The following MAP2K5 variants were observed in gnomAD, a reference collection of about 807,000 sequenced individuals.
The protein encoded by MAP2K5 is dual specificity mitogen-activated protein kinase kinase 5.
MAP2K5 carries 49 observed loss-of-function variants against 83.1 expected under a neutral mutation model. The ratio of observed to expected loss-of-function variants is 0.59; its 90% CI spans 0.47 to 0.75. The LOEUF (loss-of-function observed/expected upper bound fraction) is 0.75, where lower values mean the gene tolerates loss of function less well. MAP2K5 is among the 30% of genes least tolerant of loss of function. The probability of loss-of-function intolerance (pLI) is 0.00; values close to 1 mark genes in which losing one functional copy is unlikely to be tolerated. For synonymous variants in MAP2K5, 202 were observed against 191.8 expected (o/e 1.05, Z -0.44); for missense variants, 457 against 557.5 (o/e 0.82, Z 1.82).
Position 67,760,854 on chromosome 15 carries a change from C to T in MAP2K5, c.1135-8748C>T, listed in dbSNP as rs570840946. Among the ~76,000 whole-genome samples the T allele has an allele frequency of 6.6e-6, 1 of 152,224 alleles. No individual in the cohort carries two copies. The highest frequency in any genetic ancestry group is 1.9e-4 in the East Asian group (1 of 5,186). The stretch of plus-strand genomic sequence containing the variant: ...ATTTAATCCACCATGATGGGACCTA[C>T]ACACCCTGAGCCCAAGTTGGATGCC... On this transcript the variant is annotated intron_variant, in intron 19 of 21. Transcript: ENST00000178640. This position sits in a 1 kb window ranked among gnomAD's most constrained non-coding sequence, Gnocchi z 4.1.
intron 13 of MAP2K5, among the ~76,000 whole-genome samples, chr15:67,683,927 G>C (rs1343218682): frequency 2.0e-5 from 3 of 152,210 alleles, no homozygotes; most frequent in Non-Finnish European, 4.4e-5. Context: ...TGATCCCTGA[G>C]AGAACAGAAA....
intron 13 of MAP2K5, among the ~76,000 whole-genome samples, chr15:67,683,927 G>A (rs1343218682): frequency 6.6e-6 from 1 of 152,210 alleles, no homozygotes. Context: ...TGATCCCTGA[G>A]AGAACAGAAA....
rs776208143 is a variant in MAP2K5 at position 67,652,802 on chromosome 15, C to A, written c.737-5751C>A. On this transcript the variant is annotated intron_variant, in intron 11 of 21. Transcript: ENST00000178640. This position sits in a 1 kb window ranked among gnomAD's most constrained non-coding sequence, Gnocchi z 4.2. ...TAAATAAGAACTCCTCATTCACCCC[C>A]GCTCCCAGCCCCTGGCAAACAGCAT... Among the ~76,000 whole-genome samples, 1 of 152,178 alleles carries A rather than the reference C, an allele frequency of 6.6e-6. No individual in the cohort carries two copies. Among genetic ancestry groups the A allele is most frequent in the Non-Finnish European group, 1.5e-5 (1 of 68,042 alleles).
rs1422787986 is a variant in MAP2K5 at position 67,572,853 on chromosome 15, C to G, written c.253-7901C>G. On this transcript the variant is annotated intron_variant, in intron 3 of 21. Coordinates refer to ENST00000178640, the MANE Select transcript of MAP2K5 (RefSeq NM_145160.3). This position sits in a 1 kb window ranked among gnomAD's most constrained non-coding sequence, Gnocchi z 4.2. Reference sequence around the variant, plus strand: ...AGCTGGGACTACAGGCACCTGCTACCACGCCCAGCTAAGTTTTGTATTTTT... The same window carrying G: ...AGCTGGGACTACAGGCACCTGCTACGACGCCCAGCTAAGTTTTGTATTTTT... Among the ~76,000 whole-genome samples the G allele has an allele frequency of 6.6e-6, 1 of 152,000 alleles. No homozygotes were observed. The highest frequency in any genetic ancestry group is 1.5e-5 in the Non-Finnish European group (1 of 68,014).
In MAP2K5 at chr15:67,641,428, GC is replaced by G. The variant is rs2086708242; in HGVS notation, c.586-4802del. 3 of 939,358 alleles carry G rather than the reference GC, an allele frequency of 3.2e-6. No individual in the cohort carries two copies. In the African/African-American group the frequency reaches 5.3e-5, roughly 17 times the overall value. 58.2% of individuals were successfully genotyped at this position (939,358 alleles called of 1,614,324 possible). On this transcript the variant is annotated intron_variant, in intron 9 of 21. Transcript: ENST00000178640. ...GCAGCTTAATTTGACCTGTGATTTT[GC>G]TCTCTTTCCCTTTAGTGAAGTGTGT...
intron 17 of MAP2K5, among the ~76,000 whole-genome samples, chr15:67,732,758 C>T (rs965541214): frequency 6.6e-6 from 1 of 151,982 alleles, no homozygotes; most frequent in African/African-American, 2.4e-5. Context: ...GACATTTCAC[C>T]TGGAGGCTGT....
chr15:67,729,126 C>T (rs1210537877), intron 17 of MAP2K5, among the ~76,000 whole-genome samples: 2 of 152,144 alleles, frequency 1.3e-5, no homozygotes, highest in African/African-American at 4.8e-5. Context: ...TGAATGCTGG[C>T]ATTTAGTGAG....
At chr15:67,658,335 A>G (rs1039365082) in intron 11 of MAP2K5, among the ~76,000 whole-genome samples, 1 of 152,170 alleles carries the variant, frequency 6.6e-6, no homozygotes, top group African/African-American at 2.4e-5. Flanking sequence ...CATGTATGTG[A>G]CTATACACTT....
intron 15 of MAP2K5, among the ~76,000 whole-genome samples, chr15:67,697,045 A>T (rs1401378438): frequency 6.6e-6 from 1 of 152,206 alleles, no homozygotes; most frequent in Non-Finnish European, 1.5e-5. Context: ...ACAGTATGTG[A>T]AAAGGATGCT....
chr15:67,626,951 G>C (rs12901703), intron 8 of MAP2K5, among the ~76,000 whole-genome samples: 125,994 of 151,794 alleles, frequency 0.83, 53,216 homozygotes, highest in Middle Eastern at 0.93. Flanking sequence ...CTATATCTTT[G>C]AGACAGAGTC....
At chr15:67,739,279 C>CAA (rs59837680) in intron 17 of MAP2K5, among the ~76,000 whole-genome samples, 9 of 78,772 alleles carry the variant, frequency 1.1e-4, no homozygotes, top group Admixed American at 4.1e-4. Context: ...GACCCTGTCT[C>CAA]AAAAAAAAAA....
intron 17 of MAP2K5, among the ~76,000 whole-genome samples, chr15:67,737,458 A>G (rs905415976): frequency 6.6e-6 from 1 of 152,204 alleles, no homozygotes. Context: ...TTATGGATTA[A>G]TGCGTGGGAG....
At chr15:67,721,303 G>C (rs767380844) in intron 16 of MAP2K5, among the ~76,000 whole-genome samples, 2 of 152,102 alleles carry the variant, frequency 1.3e-5, no homozygotes, top group African/African-American at 2.4e-5. Flanking sequence ...TTGTGCTACT[G>C]TTTGGGCTCC....
rs1025409241 is a variant in MAP2K5, at chr15:67,577,738, C to T, written c.253-3016C>T. ...TTTGCTGGCCGTGTGCAGTGGCTCA[C>T]GCCTGTAATCCCAGCACTTTGGGAG... On this transcript the variant is annotated intron_variant, in intron 3 of 21. Coordinates refer to ENST00000178640, the MANE Select transcript of MAP2K5 (RefSeq NM_145160.3). The surrounding 1 kb of genome is among the most constrained non-coding windows in gnomAD (Gnocchi z 4.1). 3.9e-5 allele frequency among the ~76,000 whole-genome samples: 6 copies of T among 152,128 alleles called. No homozygotes were observed. The highest frequency in any genetic ancestry group is 4.1e-4 in the South Asian group (2 of 4,822).
chr15:67,607,614 A>G (rs1349435350), intron 8 of MAP2K5, among the ~76,000 whole-genome samples: 1 of 152,230 alleles, frequency 6.6e-6, no homozygotes, highest in Non-Finnish European at 1.5e-5. Flanking sequence ...TTATTGAAAT[A>G]GTTTATTGAG....
intron 13 of MAP2K5, chr15:67,679,799 T>C (rs1008291640): frequency 3.3e-5 from 5 of 152,236 alleles, no homozygotes; most frequent in Non-Finnish European, 2.9e-5. Flanking sequence ...CAAGTTGTGT[T>C]TTGAGGTTGA....
chr15:67,707,596 C>T (rs1410447352), intron 16 of MAP2K5, among the ~76,000 whole-genome samples: 1 of 152,164 alleles, frequency 6.6e-6, no homozygotes, highest in Non-Finnish European at 1.5e-5. Flanking sequence ...GGAGAGCCCA[C>T]CTCTGGTAGA....
In MAP2K5 at chr15:67,777,628, A is replaced by T. The variant is rs2141312956; in HGVS notation, c.1242+4876A>T. Reference sequence around the variant, plus strand: ...CAGCTGGATATTGCAGAGGAGTTTGATTTACTAATAGTTATTATCTGTTCT... The same window carrying T: ...CAGCTGGATATTGCAGAGGAGTTTGTTTTACTAATAGTTATTATCTGTTCT... On this transcript the variant is annotated intron_variant, in intron 21 of 21. Coordinates refer to ENST00000178640, the MANE Select transcript of MAP2K5 (RefSeq NM_145160.3). The surrounding 1 kb of genome is among the most constrained non-coding windows in gnomAD (Gnocchi z 6.0). Among the ~76,000 whole-genome samples the T allele has an allele frequency of 6.6e-6, 1 of 152,340 alleles. No individual in the cohort carries two copies. Among genetic ancestry groups the T allele is most frequent in the East Asian group, 1.9e-4 (1 of 5,192 alleles).
At chr15:67,740,896 C>T (rs1699465820) in intron 17 of MAP2K5, among the ~76,000 whole-genome samples, 1 of 152,038 alleles carries the variant, frequency 6.6e-6, no homozygotes, top group South Asian at 2.1e-4. Flanking sequence ...GACATGGTGG[C>T]ATGCATCTGT....
Sources: allele counts gnomAD v4.1 joint callset (sites outside exome capture counted in the v4.1 genomes callset), GRCh38; gene constraint gnomAD v4.1.1; non-coding constraint Gnocchi (gnomAD v3.1); transcripts MANE v1.5; gene names NCBI Gene and HGNC (gene_info 2026-07-23, HGNC 2026-07-21).